The following TGFB2 variants were observed in gnomAD, a reference collection of about 807,000 sequenced individuals.
TGFB2 encodes the protein transforming growth factor beta-2 proprotein.
A neutral mutation model predicts 42.7 loss-of-function variants in TGFB2; 13 were observed. That is an observed-to-expected ratio of 0.30 (90% CI 0.20 to 0.48). The LOEUF is 0.48. Among genes scored for constraint, TGFB2 ranks in the 20% least tolerant of loss-of-function variants. TGFB2 has a pLI of 0.99. For synonymous variants in TGFB2, 193 were observed against 193.6 expected (o/e 1.00, Z 0.03); for missense variants, 390 against 517.5 (o/e 0.75, Z 2.39).
At chr1:218,406,661 T>A (rs1658922228) in intron 2 of TGFB2, among the ~76,000 whole-genome samples, 1 of 152,028 alleles carries the variant, frequency 6.6e-6, no homozygotes, top group African/African-American at 2.4e-5. Context: ...TTGAGACGTA[T>A]CTATTAAAAC....
intron 1 of TGFB2, among the ~76,000 whole-genome samples, chr1:218,391,012 C>A (rs1658301162): frequency 6.6e-6 from 1 of 152,224 alleles, no homozygotes. Flanking sequence ...CTTAACGTTT[C>A]TTCCGAGCAA....
intron 2 of TGFB2, among the ~76,000 whole-genome samples, chr1:218,408,420 A>AGATGG (rs1389278388): frequency 6.6e-6 from 1 of 152,208 alleles, no homozygotes; most frequent in Non-Finnish European, 1.5e-5. Flanking sequence ...GAACGGCCCA[A>AGATGG]GATGGAAGCT....
At chr1:218,425,068 G>T (rs4846479) in intron 2 of TGFB2, among the ~76,000 whole-genome samples, 50,395 of 152,064 alleles carry the variant, frequency 0.33, 9,115 homozygotes, top group East Asian at 0.71. Flanking sequence ...TTTACATCTT[G>T]CTCCAGAGGG....
chr1:218,357,052 A>G (rs1007245837), intron 1 of TGFB2, among the ~76,000 whole-genome samples: 5 of 151,930 alleles, frequency 3.3e-5, no homozygotes, highest in Non-Finnish European at 7.4e-5. Context: ...TCTCTACTTA[A>G]AATACAAAAA....
chr1:218,347,951 T>A (rs865841727), intron 1 of TGFB2, among the ~76,000 whole-genome samples: 8 of 150,902 alleles, frequency 5.3e-5, no homozygotes, highest in African/African-American at 2.0e-4. Context: ...TTTTTTTTTT[T>A]ACTGGCTTCT....
chr1:218,352,274 A>AT (rs1656893553), intron 1 of TGFB2, among the ~76,000 whole-genome samples: 1 of 152,086 alleles, frequency 6.6e-6, no homozygotes, highest in Non-Finnish European at 1.5e-5. Flanking sequence ...GAGGATTTGG[A>AT]TTTGCCAGAT....
intron 5 of TGFB2, among the ~76,000 whole-genome samples, chr1:218,437,142 C>T (rs113519689): frequency 4.6e-5 from 7 of 152,238 alleles, no homozygotes; most frequent in African/African-American, 1.7e-4. Context: ...CAGCAAATCA[C>T]CACCACATAC....
intron 1 of TGFB2, among the ~76,000 whole-genome samples, chr1:218,369,499 T>C (rs1243699866): frequency 1.3e-5 from 2 of 152,134 alleles, no homozygotes; most frequent in Non-Finnish European, 2.9e-5. Context: ...TTGATGGTTT[T>C]TAGTTAATAG....
intron 1 of TGFB2, among the ~76,000 whole-genome samples, chr1:218,353,708 G>A (rs1656939484): frequency 1.3e-5 from 2 of 152,148 alleles, no homozygotes; most frequent in African/African-American, 2.4e-5. Context: ...ACCAGCCTGG[G>A]CAACATAGCA....
At chr1:218,428,821 T>G (rs1158635614) in intron 2 of TGFB2, among the ~76,000 whole-genome samples, 1 of 152,164 alleles carries the variant, frequency 6.6e-6, no homozygotes, top group Non-Finnish European at 1.5e-5. Flanking sequence ...CAATGTGGGC[T>G]CTTTTTTGGT....
intron 1 of TGFB2, among the ~76,000 whole-genome samples, chr1:218,377,263 A>C (rs919027191): frequency 2.0e-5 from 3 of 152,206 alleles, no homozygotes; most frequent in African/African-American, 7.2e-5. Flanking sequence ...CCACAGCCTT[A>C]AAGTGAAAGG....
chr1:218,391,635 T>C (rs6656048), intron 1 of TGFB2, among the ~76,000 whole-genome samples: 23,883 of 152,082 alleles, frequency 0.16, 3,458 homozygotes, highest in African/African-American at 0.39. Context: ...AATCAGGACT[T>C]AAATCAAATA....
rs531169841 is a variant in TGFB2, at chr1:218,364,875, T to A, written c.346+17828T>A. On this transcript the variant is annotated intron_variant, in intron 1 of 6. Transcript: ENST00000366930. ...TTTAAAGCTCCCGTTTGTGAGTCAT[T>A]ACGTTTTGTTTTTATACTCTAAATT... Among the ~76,000 whole-genome samples, 3 of 152,306 alleles carry A rather than the reference T, an allele frequency of 2.0e-5. No homozygotes were observed. The South Asian group carries it at 6.2e-4, about 32-fold the overall frequency.
chr1:218,431,275 C>T (rs1022975965), intron 2 of TGFB2, among the ~76,000 whole-genome samples: 2 of 152,092 alleles, frequency 1.3e-5, no homozygotes, highest in Non-Finnish European at 2.9e-5. Context: ...AAGCTCTTAT[C>T]GTAGTTCTCC....
intron 1 of TGFB2, among the ~76,000 whole-genome samples, chr1:218,385,366 G>A (rs1052803331): frequency 6.6e-6 from 1 of 152,210 alleles, no homozygotes; most frequent in African/African-American, 2.4e-5. Flanking sequence ...AAAAGGACGT[G>A]GACATGCATT....
chr1:218,388,474 C>T (rs749151047), intron 1 of TGFB2, among the ~76,000 whole-genome samples: 8 of 152,186 alleles, frequency 5.3e-5, no homozygotes, highest in Non-Finnish European at 1.0e-4. Flanking sequence ...GAGGTGGACC[C>T]GTGGCCCCCT....
At chr1:218,435,517 C>A (rs1659942187) in intron 4 of TGFB2, among the ~76,000 whole-genome samples, 1 of 152,208 alleles carries the variant, frequency 6.6e-6, no homozygotes, top group South Asian at 2.1e-4. Flanking sequence ...AGTTAAGTCT[C>A]AGTTTATGTT....
At chr1:218,356,855 T>G (rs1386003430) in intron 1 of TGFB2, among the ~76,000 whole-genome samples, 2 of 152,222 alleles carry the variant, frequency 1.3e-5, no homozygotes, top group East Asian at 3.9e-4. Context: ...AGCCGCCTCT[T>G]AGCCTTCAGG....
rs35450089 is a variant in TGFB2, at chr1:218,404,051, C to CAAAAAAAAAAAAAAAAAA, written c.347-1115_347-1098dup. Among the ~76,000 whole-genome samples, 3 of 99,764 alleles carry CAAAAAAAAAAAAAAAAAA rather than the reference C, an allele frequency of 3.0e-5. 1 individual carries two copies. Among genetic ancestry groups the CAAAAAAAAAAAAAAAAAA allele is most frequent in the Non-Finnish European group, 2.1e-5 (1 of 48,266 alleles). 65.4% of individuals were successfully genotyped at this position (99,764 alleles called of 152,430 possible). A position where few individuals can be genotyped will look rare whatever the true frequency, so the allele number is the denominator to read the frequency against. On this transcript the variant is annotated intron_variant, in intron 1 of 6. Coordinates refer to ENST00000366930, the MANE Select transcript of TGFB2 (RefSeq NM_003238.6). ...CATATTCAAAGACATTGGCAGATTA[C>CAAAAAAAAAAAAAAAAAA]AAAAAAAAAAAAAAAAAAAAGCCAG...
Sources: gnomAD v4.1 joint callset for allele counts (sites outside exome capture counted in the v4.1 genomes callset) on GRCh38, gnomAD v4.1.1 for gene constraint, MANE v1.5 for transcripts, NCBI Gene and HGNC (gene_info 2026-07-23, HGNC 2026-07-21) for gene names.